TRAPPC8: variants seen among roughly 807,000 people sequenced by gnomAD.
The protein encoded by TRAPPC8 is trafficking protein particle complex subunit 8, also known as general sporulation gene 1 homolog.
In TRAPPC8, 54 loss-of-function variants were observed where a neutral mutation model predicts 174.3. That is an observed-to-expected ratio of 0.31 (90% CI 0.25 to 0.39). The LOEUF is 0.39. Ranked by LOEUF, TRAPPC8 falls within the 10% of genes least tolerant of loss-of-function variation. The pLI is 1.00. For missense variants in TRAPPC8, 1,531 were observed against 1,699.1 expected (o/e 0.90, Z 1.74); for synonymous variants, 630 against 579.9 (o/e 1.09, Z -1.24).
At chr18:31,854,965 CAAA>C (rs71175798) in intron 21 of TRAPPC8, among the ~76,000 whole-genome samples, 1 of 45,658 alleles carries the variant, frequency 2.2e-5, no homozygotes, top group Non-Finnish European at 3.9e-5. Context: ...GACTCCATCT[CAAA>C]AAAAAAAAAA....
intron 26 of TRAPPC8, among the ~76,000 whole-genome samples, chr18:31,846,488 T>C (rs1392302796): frequency 6.6e-6 from 1 of 151,946 alleles, no homozygotes; most frequent in African/African-American, 2.4e-5. Flanking sequence ...GGCCAGAGGA[T>C]CACCTGAGCC....
At chr18:31,882,804 A>T (rs2035519759) in intron 12 of TRAPPC8, among the ~76,000 whole-genome samples, 1 of 151,036 alleles carries the variant, frequency 6.6e-6, no homozygotes. Flanking sequence ...TTTAATAGAG[A>T]TGGGATTCCA....
At chr18:31,928,179 A>T (rs34739219) in intron 2 of TRAPPC8, among the ~76,000 whole-genome samples, 20,427 of 150,898 alleles carry the variant, frequency 0.14, 1,739 homozygotes, top group African/African-American at 0.24. Flanking sequence ...AAAATAAAAT[A>T]AAATAAAATT....
At chr18:31,832,060 A>AAGTGCTC in intron 28 of TRAPPC8, 24 bp downstream of exon 28, 1 of 1,433,890 alleles carries the variant, frequency 7.0e-7, no homozygotes, top group South Asian at 1.3e-5. Context: ...AAATCAAATA[A>AAGTGCTC]CCTTGCACTA....
At chr18:31,908,146 AAT>A (rs2036745172) in intron 8 of TRAPPC8, among the ~76,000 whole-genome samples, 155 bp downstream of exon 8, 1 of 152,180 alleles carries the variant, frequency 6.6e-6, no homozygotes, top group South Asian at 2.1e-4. Context: ...TTAAAAAATT[AAT>A]ATGATTTACT....
chr18:31,830,634 G>T lies in TRAPPC8; in HGVS notation c.*121C>A, dbSNP rs1248824070. 2 of 775,638 alleles carry T rather than the reference G, an allele frequency of 2.6e-6. No homozygotes were observed. Among genetic ancestry groups the T allele is most frequent in the African/African-American group, 1.8e-5 (1 of 56,938 alleles). 48.0% of individuals were successfully genotyped at this position (775,638 alleles called of 1,614,324 possible). On this transcript the variant is annotated 3_prime_UTR_variant, in exon 29 of 29. Transcript: ENST00000283351. Reference sequence around the variant, plus strand: ...ATCATCAACAAAATGACAAGTCAAAGTATTTTGCAGGGATCAGATATCAAT... The same window carrying T: ...ATCATCAACAAAATGACAAGTCAAATTATTTTGCAGGGATCAGATATCAAT...
At chr18:31,848,389 A>G (rs2033521853) in intron 25 of TRAPPC8, among the ~76,000 whole-genome samples, 1 of 152,208 alleles carries the variant, frequency 6.6e-6, no homozygotes, top group Non-Finnish European at 1.5e-5. Flanking sequence ...CAGAAATATT[A>G]TAGATTGCTA....
At chr18:31,901,190 G>A (rs544222980) in intron 9 of TRAPPC8, among the ~76,000 whole-genome samples, 165 bp from the exon 10 acceptor site, 2 of 152,166 alleles carry the variant, frequency 1.3e-5, no homozygotes, top group Admixed American at 6.5e-5. Flanking sequence ...TTGTAGCCCA[G>A]TCACTCTTCA....
chr18:31,922,224 A>G (rs1026794716), intron 2 of TRAPPC8, among the ~76,000 whole-genome samples: 6 of 152,238 alleles, frequency 3.9e-5, no homozygotes, highest in African/African-American at 1.4e-4. Flanking sequence ...TAAATTAAAA[A>G]GCAAAATACA....
intron 16 of TRAPPC8, 122 bp from the exon 17 acceptor site, chr18:31,867,598 A>AATGATACAGCGC: frequency 1.5e-6 from 1 of 672,084 alleles, no homozygotes. Flanking sequence ...CTTGGTTTTT[A>AATGATACAGCGC]CCACATGCTG....
At chr18:31,897,945 A>C in intron 10 of TRAPPC8, 54 bp from the exon 11 acceptor site, 1 of 1,439,200 alleles carries the variant, frequency 6.9e-7, no homozygotes, top group South Asian at 1.3e-5. Context: ...TTAGCACATC[A>C]AAGTAAATGT....
intron 11 of TRAPPC8, among the ~76,000 whole-genome samples, chr18:31,892,691 G>A (rs2145369703): frequency 6.6e-6 from 1 of 152,186 alleles, no homozygotes; most frequent in African/African-American, 2.4e-5. Context: ...GAGTATATGT[G>A]TTCCACTCTA....
At chr18:31,902,442 C>T (rs2036473945) in intron 9 of TRAPPC8, among the ~76,000 whole-genome samples, 1 of 152,222 alleles carries the variant, frequency 6.6e-6, no homozygotes, top group South Asian at 2.1e-4. Flanking sequence ...ATCTTACCCC[C>T]AGTGTTCTCC....
chr18:31,919,332 A>G (rs1373653065), intron 2 of TRAPPC8, among the ~76,000 whole-genome samples: 1 of 152,064 alleles, frequency 6.6e-6, no homozygotes, highest in Non-Finnish European at 1.5e-5. Context: ...CAGGAGTTCG[A>G]GACCAGCCTA....
chr18:31,855,906 A>G (rs2033981471), intron 20 of TRAPPC8, 99 bp from the exon 21 acceptor site: 7 of 1,295,656 alleles, frequency 5.4e-6, no homozygotes, highest in Non-Finnish European at 7.3e-6. Flanking sequence ...GATCACTCTC[A>G]GGACCATTTA....
rs780253146 is a variant in TRAPPC8, at chr18:31,871,005, A to C, written c.2178T>G (p.Ile726Met). 6.2e-7 allele frequency: 1 copy of C among 1,611,704 alleles called. No individual in the cohort carries two copies. The highest frequency in any genetic ancestry group is 2.2e-5 in the East Asian group (1 of 44,782). Residue 726 changes from isoleucine to methionine, a missense_variant, in exon 15 of 29, where the codon ATT (isoleucine) becomes ATG (methionine). By Grantham distance (10) the Ile-to-Met change is conservative. Coordinates refer to ENST00000283351, the MANE Select transcript of TRAPPC8 (RefSeq NM_014939.5). ...ATTGTGTGGGATGAAAATTGGATGG[A>C]ATTACTCCTTTGTTAACCACAGAAA... is the stretch of plus-strand genomic sequence containing the variant. ...QVVSVVNKGV[I>M]PSNFHPTQYC...
intron 19 of TRAPPC8, 31 bp downstream of exon 19, chr18:31,864,592 AAATT>A: frequency 6.3e-7 from 1 of 1,596,608 alleles, no homozygotes; most frequent in Non-Finnish European, 8.5e-7. Flanking sequence ...TCATATAGAT[AAATT>A]AAGTCCATGA....
chr18:31,840,899 T>TG (rs2033054866), intron 26 of TRAPPC8, among the ~76,000 whole-genome samples: 1 of 150,954 alleles, frequency 6.6e-6, no homozygotes, highest in Non-Finnish European at 1.5e-5. Flanking sequence ...AGTAACACCC[T>TG]GGGGCTACTG....
intron 1 of TRAPPC8, among the ~76,000 whole-genome samples, chr18:31,932,650 C>A (rs2037897414): frequency 3.9e-5 from 6 of 152,052 alleles, no homozygotes; most frequent in Admixed American, 3.9e-4. Context: ...TATTTTTTCA[C>A]ATAATCAGAC....
Sources: allele counts gnomAD v4.1 joint callset (sites outside exome capture counted in the v4.1 genomes callset), GRCh38; gene constraint gnomAD v4.1.1; transcripts MANE v1.5; gene names NCBI Gene and HGNC (gene_info 2026-07-23, HGNC 2026-07-21).